ARMH1: variants seen among roughly 807,000 people sequenced by gnomAD.
ARMH1 encodes the protein armadillo like helical domain containing 1.
ARMH1 carries 34 observed loss-of-function variants against 50.2 expected under a neutral mutation model. That is an observed-to-expected ratio of 0.68 (90% CI 0.51 to 0.90). The LOEUF is 0.90. ARMH1 is among the 40% of genes least tolerant of loss of function. The probability of loss-of-function intolerance (pLI) is 0.00; values close to 1 mark genes in which losing one functional copy is unlikely to be tolerated. For synonymous variants in ARMH1, 221 were observed against 224.2 expected (o/e 0.99, Z 0.13); for missense variants, 538 against 553.9 (o/e 0.97, Z 0.29).
Position 44,709,854 on chromosome 1 carries a change from A to G in ARMH1, c.724+5681A>G, listed in dbSNP as rs74226371. ...TCCATCTCAAAAAAAAAATTGCTGA[A>G]AATATGCTAACAAATACGTATAAGA... On this transcript the variant is annotated intron_variant, in intron 6 of 11. Transcript: ENST00000535358. Among the ~76,000 whole-genome samples, 39 of 152,200 alleles carry G rather than the reference A, an allele frequency of 2.6e-4. No individual in the cohort carries two copies. The East Asian group carries it at 6.4e-3, about 25-fold the overall frequency.
intron 6 of ARMH1, among the ~76,000 whole-genome samples, chr1:44,709,191 C>G (rs2148705151): frequency 6.6e-6 from 1 of 152,230 alleles, no homozygotes; most frequent in East Asian, 1.9e-4. Context: ...AAGTTTTCCT[C>G]CCACCGTCTG....
At chr1:44,722,162 C>A (rs898339706) in intron 6 of ARMH1, among the ~76,000 whole-genome samples, 1 of 152,180 alleles carries the variant, frequency 6.6e-6, no homozygotes, top group Non-Finnish European at 1.5e-5. Context: ...TTCCTCTAAA[C>A]CCTCTCTCTC....
intron 6 of ARMH1, among the ~76,000 whole-genome samples, chr1:44,713,034 T>G (rs904798024): frequency 4.6e-5 from 7 of 151,368 alleles, no homozygotes; most frequent in Admixed American, 2.6e-4. Flanking sequence ...TTTTTTTTTT[T>G]AAGACGGAGT....
chr1:44,724,689 G>C lies in ARMH1; in HGVS notation c.1050+21G>C, dbSNP rs1239235414. ...TGGAGGTGCGCGCGGCGGCTGGTTA[G>C]GGGGCGGGAAGGGCGGCGGCACCCG... On this transcript the variant is annotated intron_variant, in intron 9 of 11. Transcript: ENST00000535358. The surrounding 1 kb of genome is among the most constrained non-coding windows in gnomAD (Gnocchi z 6.4). 4.0e-6 allele frequency: 6 copies of C among 1,484,290 alleles called. No homozygotes were observed. In the African/African-American group the frequency reaches 7.3e-5, roughly 18 times the overall value. 91.9% of individuals were successfully genotyped at this position (1,484,290 alleles called of 1,614,324 possible). A position where few individuals can be genotyped will look rare whatever the true frequency, so the allele number is the denominator to read the frequency against.
intron 6 of ARMH1, among the ~76,000 whole-genome samples, chr1:44,709,789 A>G (rs981460810): frequency 6.6e-6 from 1 of 152,038 alleles, no homozygotes; most frequent in African/African-American, 2.4e-5. Flanking sequence ...GTGAGCCCAG[A>G]TCATGCCACT....
rs57577137 is a variant in ARMH1, at chr1:44,676,334, G to T, written c.-23+1461G>T. On this transcript the variant is annotated intron_variant, in intron 1 of 11. Coordinates refer to ENST00000535358, the MANE Select transcript of ARMH1 (RefSeq NM_001145636.2). ...CATTGGATATGCCTAACTGGAGTTC[G>T]CCAGATAAGTCTAACTGGAAGTTGC... Among the ~76,000 whole-genome samples, 974 of 152,206 alleles carry T rather than the reference G, an allele frequency of 6.4e-3. 11 individuals are homozygous for T. Among genetic ancestry groups the T allele is most frequent in the African/African-American group, 0.022 (908 of 41,516 alleles).
Position 44,724,395 on chromosome 1 carries a change from A to G in ARMH1, c.920+3A>G, listed in dbSNP as rs1647906287. On this transcript the variant is annotated splice_donor_region_variant and intron_variant, in intron 8 of 11. Coordinates refer to ENST00000535358, the MANE Select transcript of ARMH1 (RefSeq NM_001145636.2). The surrounding 1 kb of genome is among the most constrained non-coding windows in gnomAD (Gnocchi z 6.4). ...GCCGCGGCCGCCAAGGCCATCGGGT[A>G]AGCGGGCAGGGGTTAGTGGGTAGCT... 2 of 1,549,566 alleles carry G rather than the reference A, an allele frequency of 1.3e-6. No homozygotes were observed. The highest frequency in any genetic ancestry group is 1.7e-6 in the Non-Finnish European group (2 of 1,146,826).
In ARMH1 at chr1:44,683,790, T is replaced by C. The variant is rs1645383996; in HGVS notation, c.-22-5886T>C. Among the ~76,000 whole-genome samples, 1 of 152,208 alleles carries C rather than the reference T, an allele frequency of 6.6e-6. No individual in the cohort carries two copies. Among genetic ancestry groups the C allele is most frequent in the Non-Finnish European group, 1.5e-5 (1 of 68,026 alleles). ...CCTTCAATAAATGAGCAAACCCTTC[T>C]AAACCTTAGTTTCTTCATCTGAAAG... On this transcript the variant is annotated intron_variant, in intron 1 of 11. Transcript: ENST00000535358. This position sits in a 1 kb window ranked among gnomAD's most constrained non-coding sequence, Gnocchi z 4.2.
In ARMH1 at chr1:44,713,342, A is replaced by T. The variant is rs191712558; in HGVS notation, c.724+9169A>T. 7.9e-5 allele frequency among the ~76,000 whole-genome samples: 12 copies of T among 151,584 alleles called. No homozygotes were observed. The East Asian group carries it at 2.3e-3, about 29-fold the overall frequency. ...TCCAACTCCTGGGCTCAAGCGATCC[A>T]CCTGCCTCGGGCTCCCAAAGTGCTG... On this transcript the variant is annotated intron_variant, in intron 6 of 11. Transcript: ENST00000535358.
At chr1:44,684,071 C>G (rs1239896824) in intron 1 of ARMH1, among the ~76,000 whole-genome samples, 3 of 152,030 alleles carry the variant, frequency 2.0e-5, no homozygotes, top group Non-Finnish European at 4.4e-5. Flanking sequence ...AATCAACACT[C>G]AAAAAATGTC....
rs140955741 is a variant in ARMH1 at position 44,680,397 on chromosome 1, G to A, written c.-23+5524G>A. Among the ~76,000 whole-genome samples the A allele has an allele frequency of 6.6e-5, 10 of 152,280 alleles. No individual in the cohort carries two copies. The East Asian group carries it at 1.7e-3, about 26-fold the overall frequency. On this transcript the variant is annotated intron_variant, in intron 1 of 11. Coordinates refer to ENST00000535358, the MANE Select transcript of ARMH1 (RefSeq NM_001145636.2). The stretch of plus-strand genomic sequence containing the variant: ...TCACTATGTTGGCCAGGCTAGTCTC[G>A]AACTCCTGACCTCATGATCCACCGC...
rs1282525927 is a variant in ARMH1, at chr1:44,681,029, C to T, written c.-23+6156C>T. Among the ~76,000 whole-genome samples the T allele has an allele frequency of 6.8e-6, 1 of 147,040 alleles. No individual in the cohort carries two copies. The highest frequency in any genetic ancestry group is 1.5e-5 in the Non-Finnish European group (1 of 67,426). ...TTTTTTTTTGAGACGGAGTCTCGCTCTGTCACCCAGGCTGGAGTGTAGTGG... is the reference window on the plus strand; with the variant it reads ...TTTTTTTTTGAGACGGAGTCTCGCTTTGTCACCCAGGCTGGAGTGTAGTGG... On this transcript the variant is annotated intron_variant, in intron 1 of 11. Coordinates refer to ENST00000535358, the MANE Select transcript of ARMH1 (RefSeq NM_001145636.2). The surrounding 1 kb of genome is among the most constrained non-coding windows in gnomAD (Gnocchi z 4.3).
chr1:44,710,436 C>T (rs946675979), intron 6 of ARMH1, among the ~76,000 whole-genome samples: 7 of 151,698 alleles, frequency 4.6e-5, no homozygotes, highest in Admixed American at 1.3e-4. Context: ...GGTGAAACCC[C>T]GTCTCTACTA....
intron 1 of ARMH1, among the ~76,000 whole-genome samples, chr1:44,680,397 G>C (rs140955741): frequency 6.6e-6 from 1 of 152,162 alleles, no homozygotes; most frequent in African/African-American, 2.4e-5. Flanking sequence ...GGCTAGTCTC[G>C]AACTCCTGAC....
intron 2 of ARMH1, among the ~76,000 whole-genome samples, chr1:44,696,861 G>A (rs1354945605): frequency 6.6e-6 from 1 of 152,132 alleles, no homozygotes; most frequent in Non-Finnish European, 1.5e-5. Context: ...GCCTGTAAGA[G>A]CCAAGGTGGC....
Position 44,724,694 on chromosome 1 carries a change from C to G in ARMH1, c.1050+26C>G, listed in dbSNP as rs2148809623. The G allele has an allele frequency of 1.4e-6, 2 of 1,479,210 alleles. No individual in the cohort carries two copies. The highest frequency in any genetic ancestry group is 2.6e-5 in the South Asian group (2 of 76,482). The allele number at this position is 1,479,210 out of a possible 1,614,324, so 91.6% of individuals were successfully genotyped here. A position where few individuals can be genotyped will look rare whatever the true frequency, so the allele number is the denominator to read the frequency against. On this transcript the variant is annotated intron_variant, in intron 9 of 11. Transcript: ENST00000535358. The surrounding 1 kb of genome is among the most constrained non-coding windows in gnomAD (Gnocchi z 6.4). ...GTGCGCGCGGCGGCTGGTTAGGGGG[C>G]GGGAAGGGCGGCGGCACCCGCAGCC...
In ARMH1 at chr1:44,724,287, C is replaced by A; in HGVS notation, c.848-33C>A. ...TGGGGCTGCCTGGGCCACGGGAGGG[C>A]GGTCTCTTGCCTCACGGCTGCCCCC... On this transcript the variant is annotated intron_variant, in intron 7 of 11. Transcript: ENST00000535358. The surrounding 1 kb of genome is among the most constrained non-coding windows in gnomAD (Gnocchi z 6.4). 1.3e-6 allele frequency: 2 copies of A among 1,550,762 alleles called. No homozygotes were observed. Among genetic ancestry groups the A allele is most frequent in the Admixed American group, 3.9e-5 (2 of 50,940 alleles).
rs909489787 is a variant in ARMH1 at position 44,715,130 on chromosome 1, G to A, written c.725-8992G>A. Among the ~76,000 whole-genome samples, 7 of 152,192 alleles carry A rather than the reference G, an allele frequency of 4.6e-5. No homozygotes were observed. In the South Asian group the frequency reaches 1.0e-3, roughly 22 times the overall value. On this transcript the variant is annotated intron_variant, in intron 6 of 11. Transcript: ENST00000535358. ...AAAGGAAGCAAACCTCGGTAAGGAA[G>A]CGCACTTCTCATATGTGTCCAGTAG... is the stretch of plus-strand genomic sequence containing the variant.
At position 44,725,213 on chromosome 1, in the gene ARMH1, C is replaced by G. The variant is rs1275213546; in HGVS notation, c.1206C>G (p.Thr402=). The G allele has an allele frequency of 4.5e-6, 7 of 1,551,814 alleles. No homozygotes were observed. The Admixed American group carries it at 5.9e-5, about 13-fold the overall frequency. The change falls in exon 11 of 12, where the codon ACC becomes ACG. Residue 402 remains threonine, a synonymous_variant. Coordinates refer to ENST00000535358, the MANE Select transcript of ARMH1 (RefSeq NM_001145636.2). ...DILAANTVNV[T]KALCLHGSSY... is the part of the protein sequence containing the mutation. ...TGGCGGCCAACACAGTCAATGTTAC[C>G]AAAGGTGAGTGTGGGACGAGGGAAG...
Sources: gnomAD v4.1 joint callset for allele counts (sites outside exome capture counted in the v4.1 genomes callset) on GRCh38, gnomAD v4.1.1 for gene constraint, Gnocchi (gnomAD v3.1) non-coding constraint, MANE v1.5 for transcripts, NCBI Gene and HGNC (gene_info 2026-07-23, HGNC 2026-07-21) for gene names.